The following PLAGL1 variants were observed in gnomAD, a reference collection of about 807,000 sequenced individuals.
The protein encoded by PLAGL1 is zinc finger protein PLAGL1.
A neutral mutation model predicts 4.6 loss-of-function variants in PLAGL1; 1 was observed. That is an observed-to-expected ratio of 0.22 (90% confidence interval 0.08 to 1.03). PLAGL1 has a LOEUF of 1.03. PLAGL1 is among the 50% of genes least tolerant of loss of function. The pLI is 0.58. For missense variants in PLAGL1, 464 were observed against 570.4 expected, an observed-to-expected ratio of 0.81 and a Z score of 1.90; for synonymous variants, 240 against 237.8, an observed-to-expected ratio of 1.01 and a Z score of -0.08.
In PLAGL1 at chr6:144,005,737, G is replaced by T. The variant is rs1231167429; in HGVS notation, c.-584+2353C>A. 1 of 151,812 alleles carries T rather than the reference G, an allele frequency of 6.6e-6. No homozygotes were observed. Among genetic ancestry groups the T allele is most frequent in the Non-Finnish European group, 1.5e-5 (1 of 67,898 alleles). 9.4% of individuals were successfully genotyped at this position (151,812 alleles called of 1,614,324 possible). ...GTTTTCCAATATAAATTTCTGCAAT[G>T]ATGGAAATATTCTGTTCTATAATGT... On this transcript the variant is annotated intron_variant, in intron 1 of 7. Transcript: ENST00000674357. This position sits in a 1 kb window ranked among gnomAD's most constrained non-coding sequence, Gnocchi z 4.6.
In PLAGL1 at chr6:144,039,672, G is replaced by C. The variant is rs1448944938; in HGVS notation, c.-151+24796C>G. 1.3e-5 allele frequency among the ~76,000 whole-genome samples: 2 copies of C among 152,054 alleles called. No individual in the cohort carries two copies. The highest frequency in any genetic ancestry group is 4.8e-5 in the African/African-American group (2 of 41,382). On this transcript the variant is annotated intron_variant, in intron 1 of 3. Transcript: ENST00000437412. This position sits in a 1 kb window ranked among gnomAD's most constrained non-coding sequence, Gnocchi z 4.1. ...AAGGAGAGATTTACACTTCTGATAG[G>C]GGTATTAAATAGCACAACCACTTTG... is the stretch of plus-strand genomic sequence containing the variant.
rs1780061029 is a variant in PLAGL1 at position 143,947,616 on chromosome 6, A to C, written c.152+369T>G. ...TCTTTCATTGTGTCACAGCTTAAAG[A>C]TTGTCCCCATCTGAGAAGCCGTCCC... On this transcript the variant is annotated intron_variant, in intron 7 of 7. Transcript: ENST00000674357. The surrounding 1 kb of genome is among the most constrained non-coding windows in gnomAD (Gnocchi z 4.3). Among the ~76,000 whole-genome samples, 2 of 152,172 alleles carry C rather than the reference A, an allele frequency of 1.3e-5. 1 individual carries two copies. The highest frequency in any genetic ancestry group is 2.9e-5 in the Non-Finnish European group (2 of 68,034).
rs897260567 is a variant in PLAGL1, at chr6:144,030,019, C to T, written c.-151+34449G>A. Among the ~76,000 whole-genome samples, 6 of 151,774 alleles carry T rather than the reference C, an allele frequency of 4.0e-5. No individual in the cohort carries two copies. In the East Asian group the frequency reaches 9.7e-4, roughly 24 times the overall value. ...CTGTAATCCCAGCACTTTGGGAGGCCGAGGCGGGAGGATCATGAGGTCAGG... is the reference window on the plus strand; with the variant it reads ...CTGTAATCCCAGCACTTTGGGAGGCTGAGGCGGGAGGATCATGAGGTCAGG... On this transcript the variant is annotated intron_variant, in intron 1 of 3. Coordinates refer to the PLAGL1 transcript ENST00000437412.
Position 143,941,787 on chromosome 6 carries a change from T to G in PLAGL1, c.1029A>C (p.Gln343His). The G allele has an allele frequency of 6.2e-7, 1 of 1,614,258 alleles. No individual in the cohort carries two copies. The highest frequency in any genetic ancestry group is 1.3e-5 in the African/African-American group (1 of 75,072). The change falls in exon 8 of 8, where the codon CAA becomes CAC. Residue 343 changes from glutamine (Q) to histidine (H), a missense_variant. Physicochemically the swap from Gln to His is conservative, Grantham distance 24. This residue lies in a region of PLAGL1 where 248 missense variants were observed against 250.1 expected (regional missense o/e 0.99). Coordinates refer to ENST00000674357, the MANE Select transcript of PLAGL1 (RefSeq NM_001317162.2). This position sits in a 1 kb window ranked among gnomAD's most constrained non-coding sequence, Gnocchi z 6.0. The stretch of plus-strand genomic sequence containing the variant: ...CCAGATCAAAACCTGGGTTGAGCTT[T>G]TGAGGTGACTGAGGCTCTTGCAGAG... ...DLPLQEPQSPQKLNPGFDLAK... is the reference protein window; with the variant it reads ...DLPLQEPQSPHKLNPGFDLAK...
At chr6:144,013,117 T>A (rs1241152416), upstream of PLAGL1, among the ~76,000 whole-genome samples, 1 of 152,178 alleles carries the variant, frequency 6.6e-6, no homozygotes. The surrounding 1 kb of genome is among the most constrained non-coding windows in gnomAD (Gnocchi z 4.4). Context: ...ATAATCACAC[T>A]TTTTCTCTAA....
chr6:144,020,529 AC>A (rs1465629554), intron 1 of PLAGL1, among the ~76,000 whole-genome samples: 1 of 151,698 alleles, frequency 6.6e-6, no homozygotes, highest in Non-Finnish European at 1.5e-5. Context: ...CCTTGTATCC[AC>A]CCACCTCGGC....
rs1782670970 is a variant in PLAGL1, at chr6:143,958,551, T to C, written c.-325+1918A>G. ...TGCCTCTCGGGACACAGGCCGTACT[T>C]TATTAGACACAATTATTTCAAGAAG... On this transcript the variant is annotated intron_variant, in intron 6 of 7. Coordinates refer to ENST00000674357, the MANE Select transcript of PLAGL1 (RefSeq NM_001317162.2). This position sits in a 1 kb window ranked among gnomAD's most constrained non-coding sequence, Gnocchi z 5.1. Among the ~76,000 whole-genome samples the C allele has an allele frequency of 6.6e-6, 1 of 152,212 alleles. No homozygotes were observed. The highest frequency in any genetic ancestry group is 1.5e-5 in the Non-Finnish European group (1 of 68,040).
rs1784305840 is a variant in PLAGL1 at position 143,965,729 on chromosome 6, G to A, written c.-431+429C>T. On this transcript the variant is annotated intron_variant, in intron 4 of 7. Coordinates refer to ENST00000674357, the MANE Select transcript of PLAGL1 (RefSeq NM_001317162.2). This position sits in a 1 kb window ranked among gnomAD's most constrained non-coding sequence, Gnocchi z 7.5. ...TGCTTGCTTTACCGAAAGTGGGGCT[G>A]CTCTGGTCTCACAAGGGTCTAGCCT... 2 of 152,286 alleles carry A rather than the reference G, an allele frequency of 1.3e-5. No homozygotes were observed. The highest frequency in any genetic ancestry group is 4.1e-4 in the South Asian group (2 of 4,826). The allele number at this position is 152,286 out of a possible 1,614,324, so 9.4% of individuals were successfully genotyped here. A position where few individuals can be genotyped will look rare whatever the true frequency, so the allele number is the denominator to read the frequency against.
In PLAGL1 at chr6:143,948,309, C is replaced by T. The variant is rs951576018; in HGVS notation, c.-173G>A. 2 of 582,288 alleles carry T rather than the reference C, an allele frequency of 3.4e-6. No homozygotes were observed. Among genetic ancestry groups the T allele is most frequent in the Middle Eastern group, 4.7e-4 (1 of 2,142 alleles). 36.1% of individuals were successfully genotyped at this position (582,288 alleles called of 1,614,324 possible). ...TTCTACCCAGACATGGACCTCTCAG[C>T]TGTCACTAGCTTTGCTTCCTGCTTT... is the stretch of plus-strand genomic sequence containing the variant. On this transcript the variant is annotated 5_prime_UTR_variant, in exon 7 of 8. Transcript: ENST00000674357. This position sits in a 1 kb window ranked among gnomAD's most constrained non-coding sequence, Gnocchi z 6.0.
chr6:143,986,756 AGTTTTGCC>A, intron 1 of PLAGL1, among the ~76,000 whole-genome samples: 1 of 152,318 alleles, frequency 6.6e-6, no homozygotes, highest in East Asian at 1.9e-4. Context: ...TAGCTGTGAC[AGTTTTGCC>A]TATCATTCAA....
chr6:143,941,589 T>G lies in PLAGL1; in HGVS notation c.1227A>C (p.Glu409Asp), dbSNP rs370253986. Residue 409 changes from glutamate (E) to aspartate (D), a missense_variant, in exon 8 of 8, where the codon GAA becomes GAC. Physicochemically the swap from Glu to Asp is conservative, Grantham distance 45. Coordinates refer to ENST00000674357, the MANE Select transcript of PLAGL1 (RefSeq NM_001317162.2). This position sits in a 1 kb window ranked among gnomAD's most constrained non-coding sequence, Gnocchi z 6.0. Reference protein sequence around the residue: ...GNSTLALGPGESLPHRLSCLG... With the variant: ...GNSTLALGPGDSLPHRLSCLG... The stretch of plus-strand genomic sequence containing the variant: ...GACAGCTTAACCTGTGGGGCAAAGA[T>G]TCCCCAGGCCCCAGGGCAAGAGTGC... 5.0e-6 allele frequency: 8 copies of G among 1,608,660 alleles called. No individual in the cohort carries two copies. In the South Asian group the frequency reaches 6.6e-5, roughly 13 times the overall value.
intron 1 of PLAGL1, among the ~76,000 whole-genome samples, chr6:144,062,875 A>G (rs1799534622): frequency 6.6e-6 from 1 of 152,218 alleles, no homozygotes; most frequent in Non-Finnish European, 1.5e-5. Flanking sequence ...CGGGGTTACC[A>G]TAGGGCAGGA....
chr6:144,045,314 G>T (rs1388677066), intron 1 of PLAGL1, among the ~76,000 whole-genome samples: 1 of 152,116 alleles, frequency 6.6e-6, no homozygotes, highest in Non-Finnish European at 1.5e-5. Flanking sequence ...TTTTGCAGTG[G>T]CTGGTACTGG....
In PLAGL1 at chr6:144,013,823, G is replaced by A. The variant is rs955567628; in HGVS notation, c.-150-44845C>T. ...CTTAGGACTCACTGAAATAACTGAAGGTGGTCTCCTCATTTCAAGATCCGT... is the reference window on the plus strand; with the variant it reads ...CTTAGGACTCACTGAAATAACTGAAAGTGGTCTCCTCATTTCAAGATCCGT... On this transcript the variant is annotated intron_variant, in intron 1 of 3. Coordinates refer to the PLAGL1 transcript ENST00000437412. The surrounding 1 kb of genome is among the most constrained non-coding windows in gnomAD (Gnocchi z 4.4). Among the ~76,000 whole-genome samples, 2 of 152,158 alleles carry A rather than the reference G, an allele frequency of 1.3e-5. No individual in the cohort carries two copies. The highest frequency in any genetic ancestry group is 4.8e-5 in the African/African-American group (2 of 41,442).
chr6:143,942,463 C>T lies in PLAGL1; in HGVS notation c.353G>A (p.Gly118Glu), dbSNP rs1185983382. 1.2e-6 allele frequency: 2 copies of T among 1,614,112 alleles called. No homozygotes were observed. The highest frequency in any genetic ancestry group is 1.1e-5 in the South Asian group (1 of 91,074). Residue 118 changes from glycine (G) to glutamate (E), a missense_variant, in exon 8 of 8, where the codon GGG becomes GAG. Gly to Glu is a moderately conservative substitution (Grantham distance 98). This residue lies in a region of PLAGL1 where 161 missense variants were observed against 196.7 expected (regional missense o/e 0.82). Coordinates refer to ENST00000674357, the MANE Select transcript of PLAGL1 (RefSeq NM_001317162.2). The surrounding 1 kb of genome is among the most constrained non-coding windows in gnomAD (Gnocchi z 7.6). Reference protein sequence around the residue: ...RHLALHAASSGDLTCGVCALE... With the variant: ...RHLALHAASSEDLTCGVCALE... The stretch of plus-strand genomic sequence containing the variant: ...GGCACAGACCCCACAGGTGAGGTCC[C>T]CACTGCTGGCCGCATGGAGGGCCAG...
Position 143,982,913 on chromosome 6 carries a change from T to C in PLAGL1, c.-544+2222A>G, listed in dbSNP as rs1164484846. 6.6e-6 allele frequency among the ~76,000 whole-genome samples: 1 copy of C among 152,192 alleles called. No homozygotes were observed. Among genetic ancestry groups the C allele is most frequent in the Non-Finnish European group, 1.5e-5 (1 of 68,038 alleles). On this transcript the variant is annotated intron_variant, in intron 2 of 7. Transcript: ENST00000674357. The surrounding 1 kb of genome is among the most constrained non-coding windows in gnomAD (Gnocchi z 5.3). The stretch of plus-strand genomic sequence containing the variant: ...GCCTATTAGACATCCAGCAATTGGA[T>C]ATTTTAATCTGGAGTTTAGAGAAGA...
chr6:144,045,129 C>G (rs1285973311), intron 1 of PLAGL1, among the ~76,000 whole-genome samples: 2 of 150,158 alleles, frequency 1.3e-5, no homozygotes, highest in African/African-American at 4.9e-5. Flanking sequence ...GGTCTTGACT[C>G]TTTATCCAAT....
rs1197108228 is a variant in PLAGL1, at chr6:144,036,133, C to T, written c.-151+28335G>A. Among the ~76,000 whole-genome samples the T allele has an allele frequency of 6.6e-6, 1 of 152,210 alleles. No homozygotes were observed. The highest frequency in any genetic ancestry group is 1.5e-5 in the Non-Finnish European group (1 of 68,040). ...GCAGCTACAAGCCGACTTTTATGCT[C>T]TGCCTCCAGAATGACTCCTTCCAAT... is the stretch of plus-strand genomic sequence containing the variant. On this transcript the variant is annotated intron_variant, in intron 1 of 3. Coordinates refer to the PLAGL1 transcript ENST00000437412. This position sits in a 1 kb window ranked among gnomAD's most constrained non-coding sequence, Gnocchi z 5.1.
In PLAGL1 at chr6:143,942,740, C is replaced by A; in HGVS notation, c.153-77G>T. On this transcript the variant is annotated intron_variant, in intron 7 of 7. Transcript: ENST00000674357. This position sits in a 1 kb window ranked among gnomAD's most constrained non-coding sequence, Gnocchi z 7.6. ...GAAAGGTGTAGCAACAATATTATAT[C>A]AAAATGTTAATAGTTTTCTCTGGGT... 9.5e-7 allele frequency: 1 copy of A among 1,056,448 alleles called. No individual in the cohort carries two copies. Among genetic ancestry groups the A allele is most frequent in the Non-Finnish European group, 1.4e-6 (1 of 730,892 alleles). The allele number at this position is 1,056,448 out of a possible 1,614,324, so 65.4% of individuals were successfully genotyped here. A position where few individuals can be genotyped will look rare whatever the true frequency, so the allele number is the denominator to read the frequency against.
Sources: allele counts gnomAD v4.1 joint callset (sites outside exome capture counted in the v4.1 genomes callset), GRCh38; gene constraint gnomAD v4.1.1; regional missense constraint gnomAD v4.1.1; non-coding constraint Gnocchi (gnomAD v3.1); transcripts MANE v1.5; gene names NCBI Gene and HGNC (gene_info 2026-07-23, HGNC 2026-07-21).